TNNI3K: variants seen among roughly 807,000 people sequenced by gnomAD.
The protein encoded by TNNI3K is serine/threonine-protein kinase TNNI3K.
A neutral mutation model predicts 114.5 loss-of-function variants in TNNI3K; 140 were observed. The ratio of observed to expected loss-of-function variants is 1.22; its 90% CI spans 1.07 to 1.41. The LOEUF (loss-of-function observed/expected upper bound fraction) is 1.41, where lower values mean the gene tolerates loss of function less well. Among genes scored for constraint, TNNI3K ranks in the 40% most tolerant of loss-of-function variants. The pLI is 0.00. For missense variants in TNNI3K, 1,125 were observed against 1,007.6 expected (o/e 1.12, Z -1.58); for synonymous variants, 347 against 347.5 (o/e 1.00, Z 0.02).
intron 5 of TNNI3K, among the ~76,000 whole-genome samples, chr1:74,301,180 A>G (rs1179398956): frequency 6.6e-6 from 1 of 152,084 alleles, no homozygotes; most frequent in African/African-American, 2.4e-5. Context: ...CGGCGGGATC[A>G]CCTGAGGTCA....
chr1:74,499,898 C>T (rs923601432), intron 23 of TNNI3K, among the ~76,000 whole-genome samples: 4 of 152,086 alleles, frequency 2.6e-5, no homozygotes, highest in African/African-American at 9.7e-5. Flanking sequence ...TCCATTGTGA[C>T]TGCTGAAATC....
chr1:74,499,268 A>G (rs1669487582), intron 23 of TNNI3K, among the ~76,000 whole-genome samples: 1 of 152,320 alleles, frequency 6.6e-6, no homozygotes, highest in Non-Finnish European at 1.5e-5. Flanking sequence ...GAGCCTCCTG[A>G]GTAGCTGGGA....
intron 24 of TNNI3K, among the ~76,000 whole-genome samples, chr1:74,542,962 T>C (rs1646742970): frequency 6.6e-6 from 1 of 152,096 alleles, no homozygotes; most frequent in Non-Finnish European, 1.5e-5. Context: ...CTAAGAATTT[T>C]ATGTACCTTT....
intron 23 of TNNI3K, among the ~76,000 whole-genome samples, chr1:74,521,506 G>A (rs1161789386): frequency 6.6e-6 from 1 of 151,316 alleles, no homozygotes; most frequent in African/African-American, 2.5e-5. Context: ...CATTATGTAT[G>A]TGTGTATGTG....
chr1:74,532,478 T>C (rs1385431574), intron 23 of TNNI3K, among the ~76,000 whole-genome samples: 4 of 152,112 alleles, frequency 2.6e-5, no homozygotes, highest in Admixed American at 2.0e-4. Context: ...TTTCTTTTTA[T>C]TTTATTATTA....
intron 17 of TNNI3K, among the ~76,000 whole-genome samples, chr1:74,419,158 G>A (rs2100630937): frequency 6.6e-6 from 1 of 152,080 alleles, no homozygotes; most frequent in East Asian, 1.9e-4. Flanking sequence ...AGGCTCTAGG[G>A]AAAATTCTGT....
chr1:74,367,170 A>G, intron 11 of TNNI3K, 86 bp from the exon 12 acceptor site: 3 of 1,309,514 alleles, frequency 2.3e-6, no homozygotes, highest in Non-Finnish European at 3.3e-6. Context: ...GTTGTAAGCT[A>G]CTTCCAATAA....
intron 5 of TNNI3K, among the ~76,000 whole-genome samples, chr1:74,322,720 C>G (rs576335360): frequency 6.6e-6 from 1 of 152,238 alleles, no homozygotes; most frequent in Admixed American, 6.5e-5. Context: ...CTCGGCCTCC[C>G]AAAGTGCTAG....
intron 23 of TNNI3K, among the ~76,000 whole-genome samples, chr1:74,503,668 G>A (rs1669748420): frequency 6.6e-6 from 1 of 152,152 alleles, no homozygotes; most frequent in South Asian, 2.1e-4. Context: ...AGCTCATTAA[G>A]GGCCTGCAGT....
chr1:74,342,970 G>A lies in TNNI3K; in HGVS notation c.811G>A (p.Asp271Asn). 6.2e-7 allele frequency: 1 copy of A among 1,613,822 alleles called. No individual in the cohort carries two copies. Among genetic ancestry groups the A allele is most frequent in the South Asian group, 1.1e-5 (1 of 91,078 alleles). ...ACCTCATGTTGTTAATATCTATGGA[G>A]ATACCCCCTTACACCTGTGAGTATT... is the stretch of plus-strand genomic sequence containing the variant. ...VQPHVVNIYGDTPLHLACYNG... is the reference protein window; with the variant it reads ...VQPHVVNIYGNTPLHLACYNG... The change falls in exon 8 of 25, where the codon GAT becomes AAT. Residue 271 changes from aspartate to asparagine, a missense_variant. By Grantham distance (23) the Asp-to-Asn change is conservative (BLOSUM62 1). Coordinates refer to ENST00000326637, the MANE Select transcript of TNNI3K (RefSeq NM_015978.3).
rs1665907408 is a variant in TNNI3K, at chr1:74,431,708, C to A, written c.1773-4372C>A. Among the ~76,000 whole-genome samples the A allele has an allele frequency of 2.6e-5, 4 of 152,200 alleles. No individual in the cohort carries two copies. In the South Asian group the frequency reaches 8.3e-4, roughly 32 times the overall value. On this transcript the variant is annotated intron_variant, in intron 17 of 24. Coordinates refer to ENST00000326637, the MANE Select transcript of TNNI3K (RefSeq NM_015978.3). ...ATGCGCTTCTAGCATATCATATCTC[C>A]TATAAAGCAGCGTGATCAAAAGGAG...
At chr1:74,306,800 T>C (rs1424701220) in intron 5 of TNNI3K, among the ~76,000 whole-genome samples, 1 of 152,192 alleles carries the variant, frequency 6.6e-6, no homozygotes, top group Non-Finnish European at 1.5e-5. Context: ...TTTTTCCACA[T>C]TCTGTAGGTT....
At chr1:74,383,496 T>C (rs908171684) in intron 17 of TNNI3K, among the ~76,000 whole-genome samples, 6 of 152,050 alleles carry the variant, frequency 3.9e-5, no homozygotes, top group African/African-American at 1.4e-4. Flanking sequence ...CTAACTCCTG[T>C]CTATCCCAAA....
chr1:74,349,787 A>G (rs1160707056), intron 9 of TNNI3K, among the ~76,000 whole-genome samples: 5 of 152,110 alleles, frequency 3.3e-5, no homozygotes, highest in Admixed American at 6.5e-5. Flanking sequence ...CTCTGATGGT[A>G]GTTTGTATTT....
At position 74,303,722 on chromosome 1, in the gene TNNI3K, T is replaced by C. The variant is rs138840180; in HGVS notation, c.445-27728T>C. ...TTTGTAAGATTATAGCTGCCATAGATAGTGATTCCTCTGATGGATCTGGGC... is the reference window on the plus strand; with the variant it reads ...TTTGTAAGATTATAGCTGCCATAGACAGTGATTCCTCTGATGGATCTGGGC... On this transcript the variant is annotated intron_variant, in intron 5 of 24. Transcript: ENST00000326637. Among the ~76,000 whole-genome samples the C allele has an allele frequency of 5.9e-3, 894 of 152,320 alleles. 5 individuals carry two copies. Among genetic ancestry groups the C allele is most frequent in the Middle Eastern group, 0.02 (6 of 294 alleles).
intron 6 of TNNI3K, among the ~76,000 whole-genome samples, chr1:74,333,289 T>A (rs1354406200): frequency 6.6e-6 from 1 of 152,234 alleles, no homozygotes; most frequent in Non-Finnish European, 1.5e-5. Flanking sequence ...ATTTCATTGA[T>A]GTGCTGCTCA....
At chr1:74,479,560 A>T (rs1443048146) in intron 21 of TNNI3K, among the ~76,000 whole-genome samples, 7 of 152,168 alleles carry the variant, frequency 4.6e-5, no homozygotes, top group Non-Finnish European at 7.3e-5. Context: ...CAGAGCCAGG[A>T]TTCAAACCTA....
chr1:74,402,481 T>G (rs989810964), intron 17 of TNNI3K, among the ~76,000 whole-genome samples: 7 of 152,228 alleles, frequency 4.6e-5, no homozygotes, highest in African/African-American at 1.4e-4. Context: ...CCATGGCAAG[T>G]TGAATCAAAA....
chr1:74,490,050 TAAAAAAAAAAAAA>T (rs36063099), intron 22 of TNNI3K, among the ~76,000 whole-genome samples: 3 of 42,892 alleles, frequency 7.0e-5, no homozygotes, highest in Non-Finnish European at 1.0e-4. Context: ...TTTTTTTTTC[TAAAAAAAAAAAAA>T]AAAAAAAAAA....
Sources: gnomAD v4.1 joint callset for allele counts (sites outside exome capture counted in the v4.1 genomes callset) on GRCh38, gnomAD v4.1.1 for gene constraint, MANE v1.5 for transcripts, NCBI Gene and HGNC (gene_info 2026-07-23, HGNC 2026-07-21) for gene names.